MIGA2: variants seen among roughly 807,000 people sequenced by gnomAD.
The protein encoded by MIGA2 is mitoguardin 2.
A neutral mutation model predicts 69.9 loss-of-function variants in MIGA2; 36 were observed. The observed-to-expected ratio is 0.52, with a 90% CI of 0.39 to 0.68. MIGA2 has a LOEUF of 0.68. Ranked by LOEUF, MIGA2 falls within the 30% of genes least tolerant of loss-of-function variation. The probability of loss-of-function intolerance (pLI) is 0.00; values close to 1 mark genes in which losing one functional copy is unlikely to be tolerated. For missense variants in MIGA2, 660 were observed against 787.7 expected, an observed-to-expected ratio of 0.84 and a Z score of 1.94; for synonymous variants, 333 against 349.2, an observed-to-expected ratio of 0.95 and a Z score of 0.52.
In MIGA2 at chr9:129,067,799, C is replaced by T. The variant is rs752394279; in HGVS notation, c.1197C>T (p.Tyr399=). The change falls in exon 12 of 16, where the codon TAC becomes TAT. Residue 399 remains tyrosine (Y), a synonymous_variant. Coordinates refer to ENST00000684074, the MANE Select transcript of MIGA2 (RefSeq NM_001329990.2). ...EKSPKGFLES[Y]EEMLSYALRP... ...GCCCCAAAGGCTTCCTGGAGAGCTA[C>T]GAGGAGATGCTGAGCTATGCCCTGC... 4.0e-5 allele frequency: 64 copies of T among 1,612,834 alleles called. No individual in the cohort carries two copies. Among genetic ancestry groups the T allele is most frequent in the Non-Finnish European group, 4.9e-5 (58 of 1,179,712 alleles).
At chr9:129,057,497 C>T (rs1311168739) in intron 6 of MIGA2, among the ~76,000 whole-genome samples, 1 of 151,396 alleles carries the variant, frequency 6.6e-6, no homozygotes, top group Non-Finnish European at 1.5e-5. Flanking sequence ...TTCACCATGT[C>T]AGCCAGGATG....
Position 129,067,807 on chromosome 9 carries a change from T to C in MIGA2, c.1205T>C (p.Met402Thr), listed in dbSNP as rs369949431. The C allele has an allele frequency of 2.2e-5, 36 of 1,613,104 alleles. No homozygotes were observed. The highest frequency in any genetic ancestry group is 5.1e-6 in the Non-Finnish European group (6 of 1,179,844). ...GGCTTCCTGGAGAGCTACGAGGAGATGCTGAGCTATGCCCTGCGGCCCGAG... is the reference window on the plus strand; with the variant it reads ...GGCTTCCTGGAGAGCTACGAGGAGACGCTGAGCTATGCCCTGCGGCCCGAG... ...PKGFLESYEEMLSYALRPETW... is the reference protein window; with the variant it reads ...PKGFLESYEETLSYALRPETW... Residue 402 changes from methionine to threonine, a missense_variant, in exon 12 of 16, where the codon ATG becomes ACG. This residue lies in a region of MIGA2 where 220 missense variants were observed against 301.7 expected (regional missense o/e 0.73). Coordinates refer to ENST00000684074, the MANE Select transcript of MIGA2 (RefSeq NM_001329990.2).
intron 11 of MIGA2, 22 bp downstream of exon 11, chr9:129,063,653 G>C: frequency 1.5e-6 from 2 of 1,376,992 alleles, no homozygotes; most frequent in South Asian, 1.2e-5. Flanking sequence ...TGGGGTGGGG[G>C]GGCAAATTAT....
rs370004813 is a variant in MIGA2, at chr9:129,042,533, G to T, written c.307+19G>T. On this transcript the variant is annotated intron_variant, in intron 3 of 15. Transcript: ENST00000684074. Reference sequence around the variant, plus strand: ...AAGAAAGGTAGGTGTGAGGTGGTGGGCATAGGCCTGACCTGAGGTCACATC... The same window carrying T: ...AAGAAAGGTAGGTGTGAGGTGGTGGTCATAGGCCTGACCTGAGGTCACATC... The T allele has an allele frequency of 5.8e-6, 9 of 1,544,360 alleles. No individual in the cohort carries two copies. The highest frequency in any genetic ancestry group is 2.0e-5 in the Admixed American group (1 of 51,152).
chr9:129,051,619 G>T (rs1024121633), intron 6 of MIGA2, among the ~76,000 whole-genome samples: 1 of 149,342 alleles, frequency 6.7e-6, no homozygotes, highest in South Asian at 2.1e-4. Flanking sequence ...TTTTTAAGAC[G>T]GAGTCTTGCT....
In MIGA2 at chr9:129,070,797, A is replaced by G; in HGVS notation, c.*344A>G. 3.0e-6 allele frequency: 1 copy of G among 329,176 alleles called. No homozygotes were observed. The highest frequency in any genetic ancestry group is 5.7e-6 in the Non-Finnish European group (1 of 175,780). The allele number at this position is 329,176 out of a possible 1,614,324, so 20.4% of individuals were successfully genotyped here. The stretch of plus-strand genomic sequence containing the variant: ...GGTGCTGGGAGGGTGGAGGTGAAGG[A>G]TGGGGCCTAGAGCCCTGTGGTGAAG... On this transcript the variant is annotated 3_prime_UTR_variant, in exon 16 of 16. Coordinates refer to ENST00000684074, the MANE Select transcript of MIGA2 (RefSeq NM_001329990.2).
rs530727505 is a variant in MIGA2, at chr9:129,050,025, C to T, written c.675+62C>T. 8.4e-4 allele frequency: 1,308 copies of T among 1,554,662 alleles called. 23 individuals are homozygous for T. The South Asian group carries it at 0.011, about 14-fold the overall frequency. On this transcript the variant is annotated intron_variant, in intron 6 of 15. Transcript: ENST00000684074. ...TAAAGTTGGCAGCACAGGAGAGGGG[C>T]GGCCACACCTTGGGAGGCAGGCAGT... is the stretch of plus-strand genomic sequence containing the variant.
chr9:129,039,108 A>G (rs1844751742), intron 1 of MIGA2, among the ~76,000 whole-genome samples: 1 of 150,792 alleles, frequency 6.6e-6, no homozygotes, highest in Non-Finnish European at 1.5e-5. Flanking sequence ...CAAAATTCTA[A>G]TGATTCAGTG....
rs148525595 is a variant in MIGA2 at position 129,043,677 on chromosome 9, G to A, written c.307+1163G>A. Among the ~76,000 whole-genome samples, 1,310 of 150,660 alleles carry A rather than the reference G, an allele frequency of 8.7e-3. 8 individuals carry two copies. The highest frequency in any genetic ancestry group is 0.015 in the Non-Finnish European group (984 of 67,758). On this transcript the variant is annotated intron_variant, in intron 3 of 15. Coordinates refer to ENST00000684074, the MANE Select transcript of MIGA2 (RefSeq NM_001329990.2). ...CCTGGGATTACAGGTGTGAGCCACC[G>A]CACCCGGCCCCGGCCATCTTTCTAC...
At chr9:129,051,948 C>G (rs1475411988) in intron 6 of MIGA2, among the ~76,000 whole-genome samples, 1 of 151,940 alleles carries the variant, frequency 6.6e-6, no homozygotes, top group African/African-American at 2.4e-5. Flanking sequence ...GCCTCAGCCT[C>G]TGGAGTAGCT....
intron 2 of MIGA2, among the ~76,000 whole-genome samples, chr9:129,041,748 G>C (rs554077329): frequency 1.3e-5 from 2 of 152,176 alleles, no homozygotes; most frequent in Non-Finnish European, 2.9e-5. Context: ...GCCTTGTGGG[G>C]TACAGTCCCA....
intron 4 of MIGA2, among the ~76,000 whole-genome samples, chr9:129,048,860 A>G (rs567297029): frequency 2.0e-5 from 3 of 152,176 alleles, no homozygotes; most frequent in Non-Finnish European, 4.4e-5. Context: ...CTGGAGGTGT[A>G]GAGATAAACA....
At chr9:129,042,212 T>A in intron 2 of MIGA2, 92 bp from the exon 3 acceptor site, 1 of 1,259,700 alleles carries the variant, frequency 7.9e-7, no homozygotes, top group Non-Finnish European at 1.1e-6. Flanking sequence ...AGAGCCGGTG[T>A]GTGTCCCGTC....
chr9:129,049,254 C>T (rs1365962838), intron 4 of MIGA2, 127 bp from the exon 5 acceptor site: 3 of 854,618 alleles, frequency 3.5e-6, no homozygotes, highest in African/African-American at 1.7e-5. Context: ...TGGCTAGGAA[C>T]AAGCTCAGGG....
At chr9:129,070,201 G>A in intron 15 of MIGA2, 46 bp from the exon 16 acceptor site, 3 of 1,589,832 alleles carry the variant, frequency 1.9e-6, no homozygotes, top group Non-Finnish European at 2.6e-6. Context: ...GGGCATCATG[G>A]TGGGCAGTGG....
At position 129,063,183 on chromosome 9, in the gene MIGA2, AC is replaced by A. The variant is rs1252343448; in HGVS notation, c.1011-55del. Reference sequence around the variant, plus strand: ...CCCCTCCCCACCCAGGTGCCACCTGACCCCCCGGGGCATCGCTGGGCAGGGA... The same window carrying A: ...CCCCTCCCCACCCAGGTGCCACCTGACCCCCGGGGCATCGCTGGGCAGGGA... On this transcript the variant is annotated intron_variant, in intron 9 of 15. Coordinates refer to ENST00000684074, the MANE Select transcript of MIGA2 (RefSeq NM_001329990.2). The A allele has an allele frequency of 6.3e-6, 10 of 1,578,988 alleles. No individual in the cohort carries two copies. In the South Asian group the frequency reaches 8.9e-5, roughly 14 times the overall value.
chr9:129,046,735 C>A (rs1222311134), intron 3 of MIGA2, among the ~76,000 whole-genome samples: 1 of 151,940 alleles, frequency 6.6e-6, no homozygotes, highest in Non-Finnish European at 1.5e-5. Context: ...TGCGTGCCAC[C>A]ACACCCGGCT....
At position 129,048,544 on chromosome 9, in the gene MIGA2, G is replaced by A; in HGVS notation, c.420+5G>A. On this transcript the variant is annotated splice_donor_5th_base_variant and intron_variant, in intron 4 of 15. Coordinates refer to ENST00000684074, the MANE Select transcript of MIGA2 (RefSeq NM_001329990.2). Reference sequence around the variant, plus strand: ...TCCTCCCACAGTGTGGCCTCGGTGAGCAGCAGGTGCCAGGGCTCCAGGGCT... The same window carrying A: ...TCCTCCCACAGTGTGGCCTCGGTGAACAGCAGGTGCCAGGGCTCCAGGGCT... The A allele has an allele frequency of 6.2e-7, 1 of 1,612,518 alleles. No individual in the cohort carries two copies. Among genetic ancestry groups the A allele is most frequent in the Non-Finnish European group, 8.5e-7 (1 of 1,178,580 alleles).
rs1588423721 is a variant in MIGA2, at chr9:129,070,809, G to A, written c.*356G>A. 3.6e-6 allele frequency: 1 copy of A among 281,232 alleles called. No homozygotes were observed. The highest frequency in any genetic ancestry group is 6.3e-5 in the East Asian group (1 of 15,798). The allele number at this position is 281,232 out of a possible 1,614,324, so 17.4% of individuals were successfully genotyped here. ...GTGGAGGTGAAGGATGGGGCCTAGA[G>A]CCCTGTGGTGAAGGTCACAGTGTCC... On this transcript the variant is annotated 3_prime_UTR_variant, in exon 16 of 16. Coordinates refer to ENST00000684074, the MANE Select transcript of MIGA2 (RefSeq NM_001329990.2).
Sources: allele counts gnomAD v4.1 joint callset (sites outside exome capture counted in the v4.1 genomes callset), GRCh38; gene constraint gnomAD v4.1.1; regional missense constraint gnomAD v4.1.1; transcripts MANE v1.5; gene names NCBI Gene and HGNC (gene_info 2026-07-23, HGNC 2026-07-21).